The following NKAIN2 variants were observed in gnomAD, a reference collection of about 807,000 sequenced individuals.
The protein encoded by NKAIN2 is sodium/potassium transporting ATPase interacting 2.
A neutral mutation model predicts 32.6 loss-of-function variants in NKAIN2; 14 were observed. That is an observed-to-expected ratio of 0.43 (90% CI 0.28 to 0.67). NKAIN2 has a LOEUF of 0.67. Among genes scored for constraint, NKAIN2 ranks in the 30% least tolerant of loss-of-function variants. NKAIN2 has a pLI of 0.17. For missense variants in NKAIN2, 198 were observed against 258.3 expected, an observed-to-expected ratio of 0.77 and a Z score of 1.60; for synonymous variants, 80 against 87.2, an observed-to-expected ratio of 0.92 and a Z score of 0.46.
At chr6:123,938,437 TATATATATATATATAC>T (rs1196201190) in intron 1 of NKAIN2, among the ~76,000 whole-genome samples, 60 of 41,552 alleles carry the variant, frequency 1.4e-3, no homozygotes, top group African/African-American at 3.4e-3. Flanking sequence ...TATATATATA[TATATATATATATATAC>T]ACACACACAC....
At chr6:124,348,915 G>A (rs149829628) in intron 2 of NKAIN2, among the ~76,000 whole-genome samples, 1,541 of 152,234 alleles carry the variant, frequency 0.01, 13 homozygotes, top group Non-Finnish European at 0.014. Flanking sequence ...TTTTCCGACG[G>A]GCTTAAAAAA....
chr6:124,760,488 AT>A (rs1259326979), intron 4 of NKAIN2, among the ~76,000 whole-genome samples: 2 of 151,636 alleles, frequency 1.3e-5, no homozygotes, highest in Non-Finnish European at 2.9e-5. Flanking sequence ...ATAAAAATAA[AT>A]TTAAAAAAAG....
chr6:123,967,689 G>T (rs970450131), intron 1 of NKAIN2, among the ~76,000 whole-genome samples: 2 of 152,098 alleles, frequency 1.3e-5, no homozygotes, highest in African/African-American at 4.8e-5. Context: ...AAAAAAAAGG[G>T]GGGGAGTGTG....
At position 123,948,597 on chromosome 6, in the gene NKAIN2, A is replaced by ATTT. The variant is rs71021472; in HGVS notation, c.54+144373_54+144375dup. The stretch of plus-strand genomic sequence containing the variant: ...AAATCGTTTCCCCATCTTAAATGGG[A>ATTT]TTTTTTTTTTTTTTTTTTTTTTTTT... On this transcript the variant is annotated intron_variant, in intron 1 of 6. Transcript: ENST00000368417. Among the ~76,000 whole-genome samples, 108 of 49,314 alleles carry ATTT rather than the reference A, an allele frequency of 2.2e-3. 3 individuals are homozygous for ATTT. The highest frequency in any genetic ancestry group is 3.3e-3 in the Non-Finnish European group (81 of 24,312). The allele number at this position is 49,314 out of a possible 152,430, so 32.4% of individuals were successfully genotyped here.
At chr6:124,106,497 G>T (rs752241511) in intron 1 of NKAIN2, among the ~76,000 whole-genome samples, 6 of 152,168 alleles carry the variant, frequency 3.9e-5, no homozygotes, top group Non-Finnish European at 7.4e-5. Flanking sequence ...ATCGATAAAT[G>T]CTTTGACTTT....
intron 4 of NKAIN2, among the ~76,000 whole-genome samples, chr6:124,709,007 C>T (rs189650936): frequency 4.2e-5 from 6 of 142,754 alleles, no homozygotes; most frequent in Admixed American, 7.0e-5. Flanking sequence ...TTTTGAGATA[C>T]GTCCCGTCAA....
chr6:124,123,319 G>A (rs374618331), intron 1 of NKAIN2, among the ~76,000 whole-genome samples: 65 of 152,072 alleles, frequency 4.3e-4, no homozygotes, highest in African/African-American at 1.6e-3. Flanking sequence ...GAGGGGAGAA[G>A]GAGGCAGGAG....
intron 1 of NKAIN2, among the ~76,000 whole-genome samples, chr6:124,068,598 A>G (rs1783298520): frequency 6.6e-6 from 1 of 151,856 alleles, no homozygotes; most frequent in Admixed American, 6.6e-5. Flanking sequence ...CTTTGCTTGT[A>G]TTTTGAGGAG....
intron 1 of NKAIN2, among the ~76,000 whole-genome samples, chr6:124,205,242 A>G (rs185625260): frequency 9.3e-4 from 141 of 151,966 alleles, no homozygotes; most frequent in African/African-American, 3.0e-3. Flanking sequence ...AGGGCGCAGC[A>G]TCTCTCAGTA....
chr6:124,020,285 T>C (rs983339820), intron 1 of NKAIN2, among the ~76,000 whole-genome samples: 1 of 152,188 alleles, frequency 6.6e-6, no homozygotes, highest in Non-Finnish European at 1.5e-5. Context: ...TATCACATCA[T>C]TCACATCATT....
intron 3 of NKAIN2, among the ~76,000 whole-genome samples, chr6:124,451,339 C>T (rs1214321026): frequency 6.6e-6 from 1 of 151,944 alleles, no homozygotes; most frequent in African/African-American, 2.4e-5. Context: ...CTAATATATC[C>T]ACAGGGTTGT....
chr6:124,632,182 T>A (rs969460550), intron 3 of NKAIN2, among the ~76,000 whole-genome samples: 2 of 152,208 alleles, frequency 1.3e-5, no homozygotes, highest in Non-Finnish European at 2.9e-5. Flanking sequence ...TTAAAATTAT[T>A]AAGGTAATTC....
intron 2 of NKAIN2, among the ~76,000 whole-genome samples, chr6:124,333,704 A>G (rs575237083): frequency 6.6e-6 from 1 of 152,046 alleles, no homozygotes; most frequent in Admixed American, 6.5e-5. Flanking sequence ...AATAAAATAA[A>G]CTTAAGAAAA....
rs565782023 is a variant in NKAIN2, at chr6:124,640,962, C to A, written c.274-17224C>A. On this transcript the variant is annotated intron_variant, in intron 3 of 6. Transcript: ENST00000368417. ...ACAAGGATCACCTTAAAACAAAATT[C>A]TTTGTATTCTAGCAGCAAACTTTCT... Among the ~76,000 whole-genome samples, 14 of 152,064 alleles carry A rather than the reference C, an allele frequency of 9.2e-5. No individual in the cohort carries two copies. The South Asian group carries it at 1.7e-3, about 18-fold the overall frequency.
intron 3 of NKAIN2, among the ~76,000 whole-genome samples, chr6:124,410,231 G>A (rs527262228): frequency 3.9e-5 from 6 of 151,966 alleles, no homozygotes; most frequent in Admixed American, 2.6e-4. Flanking sequence ...CTTGCCTTCT[G>A]CTAGCTTTTG....
chr6:124,003,871 A>G (rs887111592), intron 1 of NKAIN2, among the ~76,000 whole-genome samples: 1 of 152,198 alleles, frequency 6.6e-6, no homozygotes, highest in African/African-American at 2.4e-5. Flanking sequence ...ACATGCTTAA[A>G]TATCAGTGGC....
intron 3 of NKAIN2, among the ~76,000 whole-genome samples, chr6:124,376,908 T>C (rs1800017178): frequency 6.6e-6 from 1 of 152,162 alleles, no homozygotes; most frequent in Non-Finnish European, 1.5e-5. Flanking sequence ...TTGGTTAAAT[T>C]CTGACCATAC....
At chr6:124,403,214 AT>A (rs1488655103) in intron 3 of NKAIN2, among the ~76,000 whole-genome samples, 14 of 152,180 alleles carry the variant, frequency 9.2e-5, no homozygotes, top group Admixed American at 2.0e-4. Flanking sequence ...CTAGTTTCAT[AT>A]TTTATGCATA....
At chr6:124,155,955 A>G (rs538457734) in intron 1 of NKAIN2, among the ~76,000 whole-genome samples, 14 of 151,070 alleles carry the variant, frequency 9.3e-5, no homozygotes, top group Non-Finnish European at 1.9e-4. Context: ...CTGGGAAGAC[A>G]GAGAATGGAA....
Sources: allele counts gnomAD v4.1 joint callset (sites outside exome capture counted in the v4.1 genomes callset), GRCh38; gene constraint gnomAD v4.1.1; transcripts MANE v1.5; gene names NCBI Gene and HGNC (gene_info 2026-07-23, HGNC 2026-07-21).